PDE3B: variants seen among roughly 807,000 people sequenced by gnomAD.
PDE3B encodes cGMP-inhibited 3',5'-cyclic phosphodiesterase 3B.
In PDE3B, 66 loss-of-function variants were observed where a neutral mutation model predicts 116.8. The observed-to-expected ratio is 0.56, with a 90% confidence interval of 0.46 to 0.69. The LOEUF (loss-of-function observed/expected upper bound fraction) is 0.69. Ranked by LOEUF, PDE3B falls within the 30% of genes least tolerant of loss-of-function variation. The pLI is 0.00. For missense variants in PDE3B, 1,384 were observed against 1,368.1 expected (o/e 1.01, Z -0.18); for synonymous variants, 595 against 533.6 (o/e 1.12, Z -1.59).
the PDE3B span, chr11:14,886,828 A>C: frequency 6.6e-6 from 1 of 152,328 alleles, no homozygotes; most frequent in Non-Finnish European, 1.5e-5. Context: ...CTTCAGAAGA[A>C]AACAGGAGGC....
chr11:14,663,118 A>T (rs1853991853), intron 1 of PDE3B, among the ~76,000 whole-genome samples: 1 of 152,200 alleles, frequency 6.6e-6, no homozygotes, highest in Non-Finnish European at 1.5e-5. Flanking sequence ...TCTCAGCAGA[A>T]ACTCTACAAG....
chr11:14,688,370 A>C (rs184643904), intron 1 of PDE3B, among the ~76,000 whole-genome samples: 77 of 152,264 alleles, frequency 5.1e-4, no homozygotes, highest in African/African-American at 1.7e-3. Flanking sequence ...TAGCAACTGA[A>C]AGCAAATAGA....
chr11:14,887,232 AG>A, the PDE3B span: 1 of 152,282 alleles, frequency 6.6e-6, no homozygotes, highest in Non-Finnish European at 1.5e-5. Flanking sequence ...CTATGAAGGC[AG>A]AACAGAGGGC....
At chr11:14,751,110 T>G (rs907473537) in intron 1 of PDE3B, among the ~76,000 whole-genome samples, 1 of 152,196 alleles carries the variant, frequency 6.6e-6, no homozygotes, top group Non-Finnish European at 1.5e-5. Flanking sequence ...TCACATTTAG[T>G]CAGAAACATT....
chr11:14,681,210 T>C (rs1366185771), intron 1 of PDE3B, among the ~76,000 whole-genome samples: 1 of 152,208 alleles, frequency 6.6e-6, no homozygotes, highest in Non-Finnish European at 1.5e-5. Context: ...ATAGTGCATT[T>C]ATCTAGACAT....
intron 5 of PDE3B, among the ~76,000 whole-genome samples, chr11:14,809,340 C>T (rs1331969983): frequency 6.6e-6 from 1 of 152,126 alleles, no homozygotes; most frequent in Admixed American, 6.5e-5. Flanking sequence ...ACCTAAATGG[C>T]TATCAATAAA....
the PDE3B span, among the ~76,000 whole-genome samples, chr11:14,892,576 T>TC: frequency 1.3e-5 from 2 of 152,238 alleles, no homozygotes; most frequent in African/African-American, 4.8e-5. Flanking sequence ...AAAGTGTCTT[T>TC]TTAAGTACCA....
chr11:14,665,292 C>G lies in PDE3B; in HGVS notation c.978+20239C>G, dbSNP rs575337358. Among the ~76,000 whole-genome samples the G allele has an allele frequency of 1.4e-4, 21 of 152,280 alleles. No individual in the cohort carries two copies. In the South Asian group the frequency reaches 1.4e-3, roughly 11 times the overall value. On this transcript the variant is annotated intron_variant, in intron 1 of 15. Transcript: ENST00000282096. ...TCAAAATAATAAGAGCTATCTATGA[C>G]AGACCCACAGCCAATATCATACTGA...
At chr11:14,801,577 C>A (rs1003287883) in intron 4 of PDE3B, among the ~76,000 whole-genome samples, 2 of 152,222 alleles carry the variant, frequency 1.3e-5, no homozygotes, top group African/African-American at 4.8e-5. Flanking sequence ...TCCGCCCCTA[C>A]TGGGAGGTGT....
chr11:14,662,958 C>T (rs1248482871), intron 1 of PDE3B, among the ~76,000 whole-genome samples: 21 of 151,926 alleles, frequency 1.4e-4, no homozygotes, highest in African/African-American at 2.9e-4. Flanking sequence ...ATACAGAGAA[C>T]GCCACAAAGA....
At chr11:14,692,578 A>G (rs1325353746) in intron 1 of PDE3B, among the ~76,000 whole-genome samples, 1 of 152,068 alleles carries the variant, frequency 6.6e-6, no homozygotes, top group Non-Finnish European at 1.5e-5. Flanking sequence ...TTTTATTAGT[A>G]TATCTATTAT....
intron 1 of PDE3B, among the ~76,000 whole-genome samples, chr11:14,770,160 G>T (rs1233194714): frequency 6.6e-6 from 1 of 151,214 alleles, no homozygotes; most frequent in Non-Finnish European, 1.5e-5. Flanking sequence ...GACCAAGAAT[G>T]CCAATTAGTT....
chr11:14,713,337 T>A (rs1361427655), intron 1 of PDE3B, among the ~76,000 whole-genome samples: 1 of 152,174 alleles, frequency 6.6e-6, no homozygotes, highest in African/African-American at 2.4e-5. Flanking sequence ...AGATATTTGG[T>A]CAAATATTAT....
At chr11:14,694,639 G>A (rs1448779538) in intron 1 of PDE3B, among the ~76,000 whole-genome samples, 4 of 152,084 alleles carry the variant, frequency 2.6e-5, no homozygotes, top group African/African-American at 9.7e-5. Flanking sequence ...TATACTTACA[G>A]TATAGTGTAA....
rs931024023 is a variant in PDE3B, at chr11:14,867,885, A to G, written c.3139+127A>G. The G allele has an allele frequency of 8.6e-6, 6 of 700,636 alleles. No individual in the cohort carries two copies. The African/African-American group carries it at 1.1e-4, about 13-fold the overall frequency. The allele number at this position is 700,636 out of a possible 1,614,324, so 43.4% of individuals were successfully genotyped here. A position where few individuals can be genotyped will look rare whatever the true frequency, so the allele number is the denominator to read the frequency against. On this transcript the variant is annotated intron_variant, in intron 15 of 15. Transcript: ENST00000282096. Reference sequence around the variant, plus strand: ...AGTGCCAGCATGGTGCTCAAAGGAAATATTCATTGGGACACTTGGATTTCA... The same window carrying G: ...AGTGCCAGCATGGTGCTCAAAGGAAGTATTCATTGGGACACTTGGATTTCA...
At chr11:14,671,433 G>C (rs1223650399) in intron 1 of PDE3B, among the ~76,000 whole-genome samples, 3 of 152,104 alleles carry the variant, frequency 2.0e-5, no homozygotes, top group Non-Finnish European at 4.4e-5. Context: ...AGCAAACTGG[G>C]TGGCTAGAGA....
chr11:14,675,429 G>A (rs560842188), intron 1 of PDE3B, among the ~76,000 whole-genome samples: 78 of 152,104 alleles, frequency 5.1e-4, no homozygotes, highest in Non-Finnish European at 3.5e-4. Flanking sequence ...GGGCCTAAAT[G>A]TTGAGTTGAA....
intron 1 of PDE3B, among the ~76,000 whole-genome samples, chr11:14,666,800 A>T (rs2133772870): frequency 6.6e-6 from 1 of 152,314 alleles, no homozygotes; most frequent in Middle Eastern, 3.4e-3. Context: ...GCTGGAGAGG[A>T]TGTGGAGAAA....
At chr11:14,869,238 T>G (rs1310033829) in intron 15 of PDE3B, among the ~76,000 whole-genome samples, 2 of 152,136 alleles carry the variant, frequency 1.3e-5, no homozygotes, top group African/African-American at 4.8e-5. Flanking sequence ...CTGTTTTGCT[T>G]CTTTCTGTTT....
Sources: gnomAD v4.1 joint callset for allele counts (sites outside exome capture counted in the v4.1 genomes callset) on GRCh38, gnomAD v4.1.1 for gene constraint, MANE v1.5 for transcripts, NCBI Gene and HGNC (gene_info 2026-07-23, HGNC 2026-07-21) for gene names.